SCUBE1: variants seen among roughly 807,000 people sequenced by gnomAD.
SCUBE1 encodes the protein signal peptide, CUB domain and EGF like domain containing 1.
A neutral mutation model predicts 124.4 loss-of-function variants in SCUBE1; 59 were observed. That is an observed-to-expected ratio of 0.47 (90% CI 0.38 to 0.59). The LOEUF is 0.59. SCUBE1 is among the 20% of genes least tolerant of loss of function. The pLI is 0.00. For missense variants in SCUBE1, 1,150 were observed against 1,371.2 expected (o/e 0.84, Z 2.55); for synonymous variants, 545 against 550.9 (o/e 0.99, Z 0.15).
In SCUBE1 at chr22:43,283,456, T is replaced by C. The variant is rs1385337324; in HGVS notation, c.484+7590A>G. 2.0e-5 allele frequency: 3 copies of C among 152,230 alleles called. No individual in the cohort carries two copies. The South Asian group carries it at 6.2e-4, about 32-fold the overall frequency. 9.4% of individuals were successfully genotyped at this position (152,230 alleles called of 1,614,324 possible). On this transcript the variant is annotated intron_variant, in intron 4 of 21. Coordinates refer to ENST00000360835, the MANE Select transcript of SCUBE1 (RefSeq NM_173050.5). ...CCATCTGAGGGTTCGAGGGGTCAAA[T>C]GAAGCAGTATTAGGGTGACCCAATG...
At chr22:43,204,211 T>A in intron 21 of SCUBE1, 62 bp from the exon 22 acceptor site, 1 of 1,519,110 alleles carries the variant, frequency 6.6e-7, no homozygotes, top group Non-Finnish European at 9.1e-7. Flanking sequence ...TGTGGGGTGT[T>A]GCCAGGCTGG....
At chr22:43,231,667 C>G (rs1386033858) in intron 8 of SCUBE1, 86 bp downstream of exon 8, 4 of 1,495,254 alleles carry the variant, frequency 2.7e-6, no homozygotes, top group Admixed American at 2.0e-5. Flanking sequence ...TTCCCCTCCC[C>G]TCCTAGGAGC....
In SCUBE1 at chr22:43,298,357, A is replaced by G. The variant is rs1925641348; in HGVS notation, c.350-7177T>C. Among the ~76,000 whole-genome samples the G allele has an allele frequency of 2.0e-5, 3 of 152,232 alleles. 1 individual carries two copies. In the South Asian group the frequency reaches 6.2e-4, roughly 31 times the overall value. Reference sequence around the variant, plus strand: ...TCCCTGGGGCTCCTGATTCCCCAGCAGGTTGGCCGTGTGCAGAAGACACAG... The same window carrying G: ...TCCCTGGGGCTCCTGATTCCCCAGCGGGTTGGCCGTGTGCAGAAGACACAG... On this transcript the variant is annotated intron_variant, in intron 3 of 21. Coordinates refer to ENST00000360835, the MANE Select transcript of SCUBE1 (RefSeq NM_173050.5).
chr22:43,267,608 AG>A (rs1482436717), intron 4 of SCUBE1, among the ~76,000 whole-genome samples: 2 of 152,164 alleles, frequency 1.3e-5, no homozygotes, highest in Admixed American at 1.3e-4. Flanking sequence ...CAGCACTAGC[AG>A]GGTCTAAGGG....
At chr22:43,288,258 T>C (rs1925223424) in intron 4 of SCUBE1, among the ~76,000 whole-genome samples, 2 of 152,204 alleles carry the variant, frequency 1.3e-5, no homozygotes, top group Non-Finnish European at 1.5e-5. Context: ...CTGGGGCATC[T>C]GGGTGGAGTG....
In SCUBE1 at chr22:43,203,725, G is replaced by T. The variant is rs1033850480; in HGVS notation, c.*272C>A. ...GGGTCCTGCAATCCTGCTACCTGCA[G>T]TCGGTCTGCCAGGGCTCAGGAGAGG... On this transcript the variant is annotated 3_prime_UTR_variant, in exon 22 of 22. Coordinates refer to ENST00000360835, the MANE Select transcript of SCUBE1 (RefSeq NM_173050.5). The T allele has an allele frequency of 5.1e-6, 2 of 392,150 alleles. No individual in the cohort carries two copies. The highest frequency in any genetic ancestry group is 9.3e-6 in the Non-Finnish European group (2 of 215,228). 24.3% of individuals were successfully genotyped at this position (392,150 alleles called of 1,614,324 possible).
At chr22:43,212,668 G>A (rs750523565) in intron 16 of SCUBE1, 76 bp from the exon 17 acceptor site, 72 of 1,455,700 alleles carry the variant, frequency 4.9e-5, no homozygotes, top group South Asian at 5.1e-5. Flanking sequence ...CTCAGGCCCC[G>A]CTCTTGGCCC....
At chr22:43,213,877 G>T (rs1238183073) in intron 16 of SCUBE1, among the ~76,000 whole-genome samples, 1 of 152,158 alleles carries the variant, frequency 6.6e-6, no homozygotes, top group Non-Finnish European at 1.5e-5. Context: ...GTGCAGGCCG[G>T]GACTGCTGAC....
Position 43,255,783 on chromosome 22 carries a change from G to GC in SCUBE1, c.727+2435dup, listed in dbSNP as rs1331525684. 6.6e-6 allele frequency among the ~76,000 whole-genome samples: 1 copy of GC among 152,192 alleles called. No individual in the cohort carries two copies. Among genetic ancestry groups the GC allele is most frequent in the Non-Finnish European group, 1.5e-5 (1 of 68,036 alleles). Reference sequence around the variant, plus strand: ...AAGCAGAGAGGCAGCGAGGGCGGGGGCGGGGGGACGTGCAGGAAAGGAGGA... The same window carrying GC: ...AAGCAGAGAGGCAGCGAGGGCGGGGGCCGGGGGGACGTGCAGGAAAGGAGGA... On this transcript the variant is annotated intron_variant, in intron 6 of 21. Coordinates refer to ENST00000360835, the MANE Select transcript of SCUBE1 (RefSeq NM_173050.5). This position sits in a 1 kb window ranked among gnomAD's most constrained non-coding sequence, Gnocchi z 4.7.
At chr22:43,263,394 G>C (rs1277534295) in intron 4 of SCUBE1, among the ~76,000 whole-genome samples, 1 of 152,206 alleles carries the variant, frequency 6.6e-6, no homozygotes, top group East Asian at 1.9e-4. Context: ...TAGGTCACAA[G>C]TCCATCAAGA....
intron 4 of SCUBE1, among the ~76,000 whole-genome samples, chr22:43,269,813 C>T (rs1385563751): frequency 3.9e-5 from 6 of 152,158 alleles, no homozygotes; most frequent in East Asian, 1.9e-4. Context: ...CTCCCACCAA[C>T]GTTGAAGGGG....
chr22:43,339,969 C>A (rs574668093), intron 1 of SCUBE1, among the ~76,000 whole-genome samples: 1 of 75,022 alleles, frequency 1.3e-5, no homozygotes, highest in African/African-American at 5.4e-5. Flanking sequence ...TTCTACCCCC[C>A]CCAAAGCATA....
intron 15 of SCUBE1, among the ~76,000 whole-genome samples, chr22:43,215,421 C>T (rs1176846322): frequency 6.6e-6 from 1 of 152,228 alleles, no homozygotes; most frequent in Non-Finnish European, 1.5e-5. Flanking sequence ...GAGCGTGGAA[C>T]ATGGAACAAA....
intron 5 of SCUBE1, among the ~76,000 whole-genome samples, chr22:43,262,512 G>A (rs1024341224): frequency 2.6e-5 from 4 of 152,166 alleles, no homozygotes; most frequent in East Asian, 3.9e-4. Flanking sequence ...TGGTGGTGTC[G>A]TGCTTGGTGC....
chr22:43,340,711 G>A (rs893023349), intron 1 of SCUBE1, among the ~76,000 whole-genome samples: 3 of 152,172 alleles, frequency 2.0e-5, no homozygotes, highest in Non-Finnish European at 4.4e-5. Flanking sequence ...CACAGAATGA[G>A]CTTTCCTATG....
chr22:43,271,402 A>G (rs996301840), intron 4 of SCUBE1, among the ~76,000 whole-genome samples: 1 of 152,188 alleles, frequency 6.6e-6, no homozygotes, highest in Non-Finnish European at 1.5e-5. Context: ...GATAAACACA[A>G]GCTCACTGGT....
At chr22:43,270,276 T>C (rs759759914) in intron 4 of SCUBE1, 1 of 152,274 alleles carries the variant, frequency 6.6e-6, no homozygotes, top group Non-Finnish European at 1.5e-5. Flanking sequence ...ATTATGTATC[T>C]GCAAATGTTC....
At chr22:43,299,815 C>T (rs1251139252) in intron 3 of SCUBE1, among the ~76,000 whole-genome samples, 2 of 152,184 alleles carry the variant, frequency 1.3e-5, no homozygotes, top group Admixed American at 1.3e-4. Flanking sequence ...CCCTGGAAAC[C>T]ACATGTCTAC....
intron 3 of SCUBE1, among the ~76,000 whole-genome samples, chr22:43,298,747 A>G (rs891462426): frequency 3.3e-5 from 5 of 151,180 alleles, no homozygotes; most frequent in African/African-American, 1.2e-4. Context: ...GTCATACCAG[A>G]TGGAGTACAA....
Sources: allele counts gnomAD v4.1 joint callset (sites outside exome capture counted in the v4.1 genomes callset), GRCh38; gene constraint gnomAD v4.1.1; non-coding constraint Gnocchi (gnomAD v3.1); transcripts MANE v1.5; gene names NCBI Gene and HGNC (gene_info 2026-07-23, HGNC 2026-07-21).